The following LRRC8D variants were observed in gnomAD, a reference collection of about 807,000 sequenced individuals.
LRRC8D encodes volume-regulated anion channel subunit LRRC8D.
Under a neutral mutation model 55.8 loss-of-function variants are expected in LRRC8D, and 20 were observed. The observed-to-expected ratio is 0.36, with a 90% confidence interval of 0.25 to 0.52. The LOEUF (loss-of-function observed/expected upper bound fraction) is 0.52. LRRC8D is among the 20% of genes least tolerant of loss of function. LRRC8D has a pLI of 0.93. For missense variants in LRRC8D, 651 were observed against 1,030.8 expected (o/e 0.63, Z 5.05); for synonymous variants, 352 against 377.0 (o/e 0.93, Z 0.77).
At position 89,933,815 on chromosome 1, in the gene LRRC8D, C is replaced by T; in HGVS notation, c.747C>T (p.Ala249=). 6.2e-7 allele frequency: 1 copy of T among 1,614,140 alleles called. No homozygotes were observed. The highest frequency in any genetic ancestry group is 1.1e-5 in the South Asian group (1 of 91,074). ...STSSDEGSPS[A]STPMINKTGF... is the part of the protein sequence containing the mutation. ...GCAGTGATGAAGGGAGCCCCAGTGCCAGTACACCAATGATCAATAAAACTG... is the reference window on the plus strand; with the variant it reads ...GCAGTGATGAAGGGAGCCCCAGTGCTAGTACACCAATGATCAATAAAACTG... Residue 249 remains alanine (A), a synonymous_variant, in exon 3 of 3, where the codon GCC becomes GCT. Transcript: ENST00000337338. This position sits in a 1 kb window ranked among gnomAD's most constrained non-coding sequence, Gnocchi z 7.0.
Position 89,934,478 on chromosome 1 carries a change from C to A in LRRC8D, c.1410C>A (p.Asp470Glu). The change falls in exon 3 of 3, where the codon GAC becomes GAA. Residue 470 changes from aspartate to glutamate, a missense_variant. Around this residue, in one of 5 missense-constraint regions of LRRC8D, gnomAD observed 338 missense variants for 479.4 expected, o/e 0.71. Transcript: ENST00000337338. The surrounding 1 kb of genome is among the most constrained non-coding windows in gnomAD (Gnocchi z 5.9). ...AGCACATTTCACGCAACGCCCAGGA[C>A]AAGCAGGAGTTGCATCTGTTCATGC... ...LRQHISRNAQ[D>E]KQELHLFMLS... The A allele has an allele frequency of 6.2e-7, 1 of 1,614,162 alleles. No homozygotes were observed. Among genetic ancestry groups the A allele is most frequent in the Non-Finnish European group, 8.5e-7 (1 of 1,180,010 alleles).
intron 1 of LRRC8D, among the ~76,000 whole-genome samples, chr1:89,826,570 T>C (rs897065921): frequency 6.6e-6 from 1 of 152,190 alleles, no homozygotes; most frequent in African/African-American, 2.4e-5. Flanking sequence ...ATTTTATAGT[T>C]GAGCGTATCC....
intron 2 of LRRC8D, among the ~76,000 whole-genome samples, chr1:89,900,880 A>G (rs1457861625): frequency 6.6e-6 from 1 of 152,166 alleles, no homozygotes; most frequent in Admixed American, 6.5e-5. Flanking sequence ...AGGAATCACA[A>G]AGCCAGGTAT....
intron 2 of LRRC8D, among the ~76,000 whole-genome samples, chr1:89,865,115 G>A (rs1661809710): frequency 6.6e-6 from 1 of 152,064 alleles, no homozygotes; most frequent in East Asian, 1.9e-4. Flanking sequence ...GCATAAATAT[G>A]TCTATCTTGT....
Position 89,935,655 on chromosome 1 carries a change from A to AT in LRRC8D, c.*11dup. 6.2e-7 allele frequency: 1 copy of AT among 1,610,058 alleles called. No individual in the cohort carries two copies. Among genetic ancestry groups the AT allele is most frequent in the African/African-American group, 1.3e-5 (1 of 75,010 alleles). ...TGCAAATGGGATTTAAACTAAGATA[A>AT]TATATGCACAGTGATGTGCAGGAAC... On this transcript the variant is annotated 3_prime_UTR_variant, in exon 3 of 3. Transcript: ENST00000337338.
At chr1:89,926,175 C>T (rs1335411669) in intron 2 of LRRC8D, among the ~76,000 whole-genome samples, 1 of 152,242 alleles carries the variant, frequency 6.6e-6, no homozygotes, top group East Asian at 1.9e-4. Flanking sequence ...CTTGGGCTTG[C>T]CCCGTTCTGT....
intron 2 of LRRC8D, among the ~76,000 whole-genome samples, chr1:89,844,301 A>G (rs1272588303): frequency 6.6e-6 from 1 of 152,180 alleles, no homozygotes; most frequent in East Asian, 1.9e-4. Flanking sequence ...ATGCTCAGAA[A>G]TCAGCTCTTC....
intron 2 of LRRC8D, among the ~76,000 whole-genome samples, chr1:89,897,517 T>G (rs573194018): frequency 5.9e-4 from 90 of 152,174 alleles, no homozygotes; most frequent in Non-Finnish European, 1.3e-3. Context: ...AATATTCATG[T>G]GGTGTTTAAA....
intron 2 of LRRC8D, among the ~76,000 whole-genome samples, chr1:89,894,382 A>G (rs2100889052): frequency 6.6e-6 from 1 of 152,364 alleles, no homozygotes; most frequent in South Asian, 2.1e-4. Flanking sequence ...TCTTGGCATC[A>G]GTAGCACAAG....
intron 2 of LRRC8D, among the ~76,000 whole-genome samples, chr1:89,877,312 G>A (rs1276821008): frequency 6.6e-6 from 1 of 151,574 alleles, no homozygotes; most frequent in East Asian, 1.9e-4. Context: ...TTTGACCTTG[G>A]TCAAGTTACT....
At chr1:89,839,985 T>G (rs1661092903) in intron 1 of LRRC8D, among the ~76,000 whole-genome samples, 2 of 152,282 alleles carry the variant, frequency 1.3e-5, no homozygotes, top group Admixed American at 1.3e-4. Context: ...TCCACACCCA[T>G]TAGTCCTCAG....
intron 2 of LRRC8D, among the ~76,000 whole-genome samples, chr1:89,909,078 C>T (rs569078796): frequency 2.4e-4 from 37 of 151,906 alleles, no homozygotes; most frequent in Non-Finnish European, 5.3e-4. Context: ...CATGATGCTG[C>T]CTGAGATGGC....
rs557448017 is a variant in LRRC8D at position 89,936,453 on chromosome 1, T to C, written c.*808T>C. ...CAAAATAAAAATTTTAATGACTTAT[T>C]AACACAACCTCCAGTATCACCACCA... On this transcript the variant is annotated 3_prime_UTR_variant, in exon 3 of 3. Transcript: ENST00000337338. 11 of 155,596 alleles carry C rather than the reference T, an allele frequency of 7.1e-5. No individual in the cohort carries two copies. Among genetic ancestry groups the C allele is most frequent in the Middle Eastern group, 3.4e-3 (1 of 296 alleles). 9.6% of individuals were successfully genotyped at this position (155,596 alleles called of 1,614,324 possible).
rs555794845 is a variant in LRRC8D at position 89,911,715 on chromosome 1, G to A, written c.-2-21352G>A. Among the ~76,000 whole-genome samples, 7 of 152,150 alleles carry A rather than the reference G, an allele frequency of 4.6e-5. No individual in the cohort carries two copies. In the South Asian group the frequency reaches 6.2e-4, roughly 14 times the overall value. On this transcript the variant is annotated intron_variant, in intron 2 of 2. Transcript: ENST00000337338. The surrounding 1 kb of genome is among the most constrained non-coding windows in gnomAD (Gnocchi z 4.0). ...CACACGTGAGCCAGACTTTTTCACC[G>A]AAAGTGCTCAGGCCAAAGTGTCAGG...
chr1:89,883,546 A>C (rs186278287), intron 2 of LRRC8D, among the ~76,000 whole-genome samples: 1 of 152,174 alleles, frequency 6.6e-6, no homozygotes, highest in African/African-American at 2.4e-5. Flanking sequence ...GGAACCTCTC[A>C]GTAAAGTACC....
At position 89,934,914 on chromosome 1, in the gene LRRC8D, T is replaced by C; in HGVS notation, c.1846T>C (p.Leu616=). Residue 616 remains leucine (L), a synonymous_variant, in exon 3 of 3, where the codon TTA becomes CTA. Coordinates refer to ENST00000337338, the MANE Select transcript of LRRC8D (RefSeq NM_001134479.2). This position sits in a 1 kb window ranked among gnomAD's most constrained non-coding sequence, Gnocchi z 5.9. ...ITDVAPHLTK[L]VIHNDGTKLL... ...AGATGTGGCTCCACATCTTACAAAG[T>C]TAGTCATTCATAATGACGGCACTAA... is the stretch of plus-strand genomic sequence containing the variant. The C allele has an allele frequency of 6.2e-7, 1 of 1,614,118 alleles. No individual in the cohort carries two copies. The highest frequency in any genetic ancestry group is 8.5e-7 in the Non-Finnish European group (1 of 1,180,012).
intron 2 of LRRC8D, among the ~76,000 whole-genome samples, chr1:89,929,139 G>A (rs1051519071): frequency 6.6e-6 from 1 of 152,202 alleles, no homozygotes; most frequent in Non-Finnish European, 1.5e-5. Context: ...GTAATCCAAT[G>A]GGAGATCAGA....
chr1:89,902,564 T>C (rs1449861796), intron 2 of LRRC8D, among the ~76,000 whole-genome samples: 1 of 150,982 alleles, frequency 6.6e-6, no homozygotes, highest in Admixed American at 6.6e-5. Context: ...TGAGACTGAG[T>C]CTCGCTCTGT....
intron 1 of LRRC8D, among the ~76,000 whole-genome samples, chr1:89,831,411 G>C (rs1660883478): frequency 1.3e-5 from 2 of 152,090 alleles, no homozygotes; most frequent in South Asian, 4.1e-4. Context: ...GGAGGAATAG[G>C]TTTAGGGAGA....
Sources: gnomAD v4.1 joint callset for allele counts (sites outside exome capture counted in the v4.1 genomes callset) on GRCh38, gnomAD v4.1.1 for gene constraint, gnomAD v4.1.1 regional missense constraint, Gnocchi (gnomAD v3.1) non-coding constraint, MANE v1.5 for transcripts, NCBI Gene and HGNC (gene_info 2026-07-23, HGNC 2026-07-21) for gene names.